Variants in TENM3 observed in about 807,000 individuals in gnomAD.
TENM3 encodes the protein teneurin transmembrane protein 3.
A neutral mutation model predicts 255.1 loss-of-function variants in TENM3; 63 were observed. That is an observed-to-expected ratio of 0.25 (90% CI 0.20 to 0.30). TENM3 has a LOEUF of 0.30. Ranked by LOEUF, TENM3 falls within the 10% of genes least tolerant of loss-of-function variation. The pLI is 1.00. For missense variants in TENM3, 2,929 were observed against 3,461.1 expected (o/e 0.85, Z 3.86); for synonymous variants, 1,306 against 1,322.3 (o/e 0.99, Z 0.27).
chr4:182,479,987 A>G lies in TENM3; in HGVS notation c.512-120937A>G, dbSNP rs549032503. ...TTTAGAAAAGACAAAAGTAAAGAAT[A>G]GTTATTTTTTTTCACATAATCTATT... On this transcript the variant is annotated intron_variant, in intron 3 of 27. Transcript: ENST00000511685. Among the ~76,000 whole-genome samples, 5 of 152,052 alleles carry G rather than the reference A, an allele frequency of 3.3e-5. No homozygotes were observed. The South Asian group carries it at 1.0e-3, about 32-fold the overall frequency.
intron 1 of TENM3, among the ~76,000 whole-genome samples, chr4:182,296,983 A>G (rs530665175): frequency 6.6e-6 from 1 of 152,336 alleles, no homozygotes; most frequent in African/African-American, 2.4e-5. Context: ...GGCCATACAC[A>G]AAGAAGGGAA....
At chr4:181,810,840 C>T in the TENM3 span, among the ~76,000 whole-genome samples, 10 of 152,090 alleles carry the variant, frequency 6.6e-5, no homozygotes, top group South Asian at 6.2e-4. Flanking sequence ...GTTCAGGGAG[C>T]GGCAAGCGTT....
chr4:181,827,927 C>T, the TENM3 span, among the ~76,000 whole-genome samples: 1 of 152,042 alleles, frequency 6.6e-6, no homozygotes, highest in Non-Finnish European at 1.5e-5. Context: ...GTAGTGGGAA[C>T]CAATTCATTA....
chr4:182,479,079 C>T (rs1201860018), intron 3 of TENM3, among the ~76,000 whole-genome samples: 7 of 151,396 alleles, frequency 4.6e-5, no homozygotes, highest in African/African-American at 9.7e-5. Flanking sequence ...AGATTCAGTA[C>T]GTAAAATACT....
chr4:181,534,466 T>C, the TENM3 span, among the ~76,000 whole-genome samples: 30 of 100,130 alleles, frequency 3.0e-4, no homozygotes, highest in Admixed American at 5.1e-4. Context: ...CCTGAGGTCT[T>C]CCCCCCCCCC....
At chr4:182,600,804 A>G in intron 3 of TENM3, 120 bp from the exon 4 acceptor site, 1 of 505,904 alleles carries the variant, frequency 2.0e-6, no homozygotes, top group Non-Finnish European at 3.3e-6. Context: ...TTATGGATTT[A>G]TATGCAGTTT....
At chr4:182,279,337 C>T (rs1305352919) in intron 1 of TENM3, among the ~76,000 whole-genome samples, 3 of 151,942 alleles carry the variant, frequency 2.0e-5, no homozygotes, top group Non-Finnish European at 4.4e-5. Context: ...AATATGATTA[C>T]TTGGAATTAT....
chr4:181,816,016 C>A, the TENM3 span, among the ~76,000 whole-genome samples: 1 of 152,174 alleles, frequency 6.6e-6, no homozygotes, highest in Non-Finnish European at 1.5e-5. Context: ...TCATTCATAT[C>A]TTTCCATTGA....
chr4:182,502,510 A>C (rs28503249), intron 3 of TENM3, among the ~76,000 whole-genome samples: 1 of 151,396 alleles, frequency 6.6e-6, no homozygotes, highest in Non-Finnish European at 1.5e-5. Flanking sequence ...TCTCCTTTTC[A>C]AGTTTTCATT....
the TENM3 span, among the ~76,000 whole-genome samples, chr4:181,450,726 GA>G: frequency 2.0e-5 from 3 of 152,144 alleles, no homozygotes; most frequent in Non-Finnish European, 4.4e-5. Flanking sequence ...TGCACCTCTT[GA>G]ATCTTCATTC....
chr4:181,648,096 G>A, the TENM3 span, among the ~76,000 whole-genome samples: 1 of 152,162 alleles, frequency 6.6e-6, no homozygotes, highest in Non-Finnish European at 1.5e-5. Flanking sequence ...GGTGTATGAT[G>A]GGGGACTTGC....
At chr4:181,755,587 A>G in the TENM3 span, among the ~76,000 whole-genome samples, 1 of 152,294 alleles carries the variant, frequency 6.6e-6, no homozygotes, top group Non-Finnish European at 1.5e-5. Flanking sequence ...CCAATTATTT[A>G]TATTAATTCT....
At chr4:181,455,932 T>C in the TENM3 span, among the ~76,000 whole-genome samples, 20,140 of 151,768 alleles carry the variant, frequency 0.13, 1,511 homozygotes, top group East Asian at 0.27. Context: ...CACACTACGG[T>C]GGGAAGGGCA....
intron 1 of TENM3, among the ~76,000 whole-genome samples, chr4:182,155,272 G>T (rs61707530): frequency 0.19 from 28,327 of 151,984 alleles, 3,173 homozygotes; most frequent in East Asian, 0.5. Context: ...GAGTAGTAAA[G>T]TTCACTATAA....
chr4:182,073,544 G>A, the TENM3 span, among the ~76,000 whole-genome samples: 2 of 152,136 alleles, frequency 1.3e-5, no homozygotes, highest in African/African-American at 2.4e-5. Flanking sequence ...CATCCAGTCT[G>A]TGGTGTTTTG....
chr4:182,177,669 A>C (rs1319750168), intron 1 of TENM3, among the ~76,000 whole-genome samples: 1 of 150,854 alleles, frequency 6.6e-6, no homozygotes, highest in African/African-American at 2.4e-5. Context: ...TGCTTGTTGA[A>C]AGGTTTTTTT....
the TENM3 span, among the ~76,000 whole-genome samples, chr4:181,806,168 G>A: frequency 6.6e-6 from 1 of 152,194 alleles, no homozygotes; most frequent in Non-Finnish European, 1.5e-5. Context: ...ATAATTCGCA[G>A]TTTGCTTTTT....
chr4:182,744,355 A>G (rs940368792), intron 19 of TENM3, among the ~76,000 whole-genome samples: 3 of 152,118 alleles, frequency 2.0e-5, no homozygotes, highest in Admixed American at 6.5e-5. Flanking sequence ...TTTACGTGAT[A>G]TAATTTGAGA....
At chr4:181,930,739 C>T in the TENM3 span, among the ~76,000 whole-genome samples, 1 of 152,230 alleles carries the variant, frequency 6.6e-6, no homozygotes, top group Non-Finnish European at 1.5e-5. Flanking sequence ...GCCAATATCC[C>T]TGATGAACAT....
Sources: gnomAD v4.1 joint callset for allele counts (sites outside exome capture counted in the v4.1 genomes callset) on GRCh38, gnomAD v4.1.1 for gene constraint, MANE v1.5 for transcripts, NCBI Gene and HGNC (gene_info 2026-07-23, HGNC 2026-07-21) for gene names.